EEF1D: variants seen among roughly 807,000 people sequenced by gnomAD.
The protein encoded by EEF1D is eukaryotic translation elongation factor 1 delta.
Under a neutral mutation model 63.9 loss-of-function variants are expected in EEF1D, and 47 were observed. The ratio of observed to expected loss-of-function variants is 0.74; its 90% CI spans 0.58 to 0.94. The LOEUF (loss-of-function observed/expected upper bound fraction) is 0.94, where lower values mean the gene tolerates loss of function less well. Ranked by LOEUF, EEF1D falls within the 40% of genes least tolerant of loss-of-function variation. The pLI is 0.00. For synonymous variants in EEF1D, 412 were observed against 386.1 expected (o/e 1.07, Z -0.79); for missense variants, 907 against 899.0 (o/e 1.01, Z -0.11).
At chr8:143,595,456 G>A (rs779969711) in intron 1 of EEF1D, among the ~76,000 whole-genome samples, 22 of 151,988 alleles carry the variant, frequency 1.4e-4, no homozygotes, top group African/African-American at 2.4e-4. Context: ...TGCCTGCCTC[G>A]GCCTCCCAAA....
Position 143,585,588 on chromosome 8 carries a change from G to A in EEF1D, c.1287+631C>T, listed in dbSNP as rs75539418. ...GTTCTTGGGGCCAGGACACCACCCC[G>A]TCCCGGGGAGAACGCAGTCCCAACT... On this transcript the variant is annotated intron_variant, in intron 5 of 9. Transcript: ENST00000618139. 2.4e-3 allele frequency among the ~76,000 whole-genome samples: 363 copies of A among 152,340 alleles called. 1 individual carries two copies. The highest frequency in any genetic ancestry group is 8.2e-3 in the African/African-American group (340 of 41,574).
chr8:143,592,602 G>A (rs4874163), intron 2 of EEF1D, 45 bp downstream of exon 2: 814,168 of 985,088 alleles, frequency 0.83, 340,890 homozygotes, highest in Non-Finnish European at 0.86. Context: ...GGGGTTCCCC[G>A]GTCAAATGAA....
intron 2 of EEF1D, chr8:143,590,328 C>T: frequency 3.0e-6 from 2 of 658,730 alleles, no homozygotes; most frequent in Middle Eastern, 3.7e-4. Context: ...CCTGTAATCT[C>T]AGTACTCTGG....
At chr8:143,579,933 C>T (rs1255153243) in intron 9 of EEF1D, 79 bp downstream of exon 9, 1 of 1,557,408 alleles carries the variant, frequency 6.4e-7, no homozygotes, top group Non-Finnish European at 8.7e-7. Context: ...TCGCTCCCCA[C>T]TGCCGTGGGG....
intron 1 of EEF1D, chr8:143,596,585 T>C (rs1018056331): frequency 6.6e-6 from 1 of 152,284 alleles, no homozygotes; most frequent in Non-Finnish European, 1.5e-5. Flanking sequence ...CCGCAGGCAG[T>C]GTCAACTTAA....
In EEF1D at chr8:143,581,065, G is replaced by A; in HGVS notation, c.1477C>T (p.Pro493Ser). The change falls in exon 7 of 10, where the codon CCA (proline) becomes TCA (serine). Residue 493 changes from proline to serine, a missense_variant. Pro to Ser is a moderately conservative substitution (Grantham distance 74, BLOSUM62 -1). Coordinates refer to ENST00000618139, the MANE Select transcript of EEF1D (RefSeq NM_001130053.5). ...GGGAGAGCATTCACCTGGGTCTGTG[G>A]GGCCGTGGCCCGGTGGCCAGGCGAG... ...KSSPGHRATA[P>S]QTQHVSPMRQ... The A allele has an allele frequency of 1.2e-6, 2 of 1,611,764 alleles. No individual in the cohort carries two copies. The highest frequency in any genetic ancestry group is 2.2e-5 in the East Asian group (1 of 44,876).
intron 5 of EEF1D, among the ~76,000 whole-genome samples, chr8:143,585,318 C>A (rs908414450): frequency 6.6e-6 from 1 of 152,018 alleles, no homozygotes; most frequent in African/African-American, 2.4e-5. Context: ...GGAGGCGGGG[C>A]GGGGATGAGG....
At chr8:143,595,426 G>A (rs1828639747) in intron 1 of EEF1D, among the ~76,000 whole-genome samples, 1 of 152,076 alleles carries the variant, frequency 6.6e-6, no homozygotes, top group Non-Finnish European at 1.5e-5. Flanking sequence ...GGATGGTCTC[G>A]ATATCCTGAC....
intron 2 of EEF1D, 185 bp from the exon 3 acceptor site, chr8:143,590,266 T>C (rs984699967): frequency 2.8e-5 from 25 of 897,976 alleles, no homozygotes; most frequent in Middle Eastern, 2.3e-4. Flanking sequence ...GTCAAGCCCA[T>C]GTGGGGACGT....
intron 3 of EEF1D, chr8:143,587,327 TTTG>T (rs1317468586): frequency 6.6e-6 from 1 of 152,356 alleles, no homozygotes. Flanking sequence ...TCTGAGTTTT[TTTG>T]TTATTTTTTT....
At chr8:143,596,968 G>A (rs933327996) in intron 1 of EEF1D, 2 of 152,240 alleles carry the variant, frequency 1.3e-5, no homozygotes, top group African/African-American at 4.8e-5. Context: ...ACAAAGACGT[G>A]GTGTACGAAG....
In EEF1D at chr8:143,589,102, C is replaced by T; in HGVS notation, c.980G>A (p.Cys327Tyr). Residue 327 changes from cysteine to tyrosine, a missense_variant, in exon 3 of 10, where the codon TGC becomes TAC. By Grantham distance (194) the Cys-to-Tyr change is radical. Coordinates refer to ENST00000618139, the MANE Select transcript of EEF1D (RefSeq NM_001130053.5). ...LSKPAYDSAE[C>Y]RHHAAEALRV... is the part of the protein sequence containing the mutation. Reference sequence around the variant, plus strand: ...CAGGGCCTCGGCAGCGTGGTGGCGGCACTCGGCGCTGTCGTAGGCAGGCTT... The same window carrying T: ...CAGGGCCTCGGCAGCGTGGTGGCGGTACTCGGCGCTGTCGTAGGCAGGCTT... 1 of 1,610,060 alleles carries T rather than the reference C, an allele frequency of 6.2e-7. No homozygotes were observed. The highest frequency in any genetic ancestry group is 1.1e-5 in the South Asian group (1 of 90,690).
intron 1 of EEF1D, among the ~76,000 whole-genome samples, chr8:143,595,601 C>T (rs868810160): frequency 8.5e-5 from 13 of 152,246 alleles, no homozygotes; most frequent in African/African-American, 2.7e-4. Context: ...CACTGGGAAA[C>T]GCCAGCCTGT....
rs1469408962 is a variant in EEF1D at position 143,590,230 on chromosome 8, A to G, written c.1-149T>C. On this transcript the variant is annotated intron_variant, in intron 2 of 9. Transcript: ENST00000618139. ...GAGGATGCTCCCCAGTGGGGCTTCC[A>G]TGAGATGACATTCGAGGACTTCGAA... 9.8e-6 allele frequency: 11 copies of G among 1,126,354 alleles called. No homozygotes were observed. The East Asian group carries it at 1.1e-4, about 11-fold the overall frequency. 69.8% of individuals were successfully genotyped at this position (1,126,354 alleles called of 1,614,324 possible).
chr8:143,595,796 G>A (rs933646326), intron 1 of EEF1D, among the ~76,000 whole-genome samples: 1 of 152,202 alleles, frequency 6.6e-6, no homozygotes, highest in East Asian at 1.9e-4. Context: ...ACTCCAGCAC[G>A]GCACAGGCTT....
chr8:143,595,707 G>A (rs1828687142), intron 1 of EEF1D, among the ~76,000 whole-genome samples: 1 of 149,726 alleles, frequency 6.7e-6, no homozygotes, highest in Admixed American at 6.6e-5. Flanking sequence ...TGCCACTGCA[G>A]GCCAGCTCCA....
intron 5 of EEF1D, chr8:143,582,906 C>T (rs1450964700): frequency 6.6e-6 from 1 of 152,310 alleles, no homozygotes; most frequent in Non-Finnish European, 1.5e-5. Flanking sequence ...GTGCCAGCAC[C>T]ACGCTACCAG....
intron 5 of EEF1D, chr8:143,584,286 C>G (rs1047382831): frequency 6.6e-6 from 1 of 151,778 alleles, no homozygotes; most frequent in Non-Finnish European, 1.5e-5. Context: ...GGCACAGTGG[C>G]TCACGCCTGT....
chr8:143,580,454 G>A (rs1212669376), intron 8 of EEF1D, 52 bp downstream of exon 8: 8 of 1,578,304 alleles, frequency 5.1e-6, no homozygotes, highest in African/African-American at 1.3e-5. Context: ...AGCCGGCTAG[G>A]CGGGCACCAG....
Sources: allele counts gnomAD v4.1 joint callset (sites outside exome capture counted in the v4.1 genomes callset), GRCh38; gene constraint gnomAD v4.1.1; transcripts MANE v1.5; gene names NCBI Gene and HGNC (gene_info 2026-07-23, HGNC 2026-07-21).